The following QTMAN variants were observed in gnomAD, a reference collection of about 807,000 sequenced individuals.
QTMAN encodes queuosine-tRNA mannosyltransferase, also known as tRNA-queuosine alpha-mannosyltransferase.
At chr2:143,946,092 C>T in the QTMAN span, 1 of 152,280 alleles carries the variant, frequency 6.6e-6, no homozygotes, top group South Asian at 2.1e-4. Context: ...TCAACAAACA[C>T]AGCAGTTTGA....
chr2:144,012,178 G>A, the QTMAN span, among the ~76,000 whole-genome samples: 4 of 151,974 alleles, frequency 2.6e-5, no homozygotes, highest in South Asian at 4.2e-4. Context: ...ACCTCTGTCC[G>A]CCAGTATGGT....
the QTMAN span, among the ~76,000 whole-genome samples, chr2:143,992,334 C>T: frequency 1.4e-5 from 2 of 147,760 alleles, no homozygotes. Context: ...TGCTTGAAGG[C>T]AGCATGCTCG....
the QTMAN span, among the ~76,000 whole-genome samples, chr2:144,095,975 A>G: frequency 6.6e-6 from 1 of 152,182 alleles, no homozygotes; most frequent in East Asian, 1.9e-4. Context: ...AGTCTGAAAT[A>G]CATAAAAATC....
At chr2:144,052,661 A>G in the QTMAN span, among the ~76,000 whole-genome samples, 1 of 151,700 alleles carries the variant, frequency 6.6e-6, no homozygotes, top group Non-Finnish European at 1.5e-5. Context: ...TTTATTTTTT[A>G]TTTTTTTGAG....
chr2:144,009,643 G>A, the QTMAN span, among the ~76,000 whole-genome samples: 1 of 152,022 alleles, frequency 6.6e-6, no homozygotes, highest in East Asian at 1.9e-4. Flanking sequence ...ACAAAGAATG[G>A]TACTAACCCC....
the QTMAN span, among the ~76,000 whole-genome samples, chr2:144,023,852 T>A: frequency 5.3e-5 from 8 of 152,244 alleles, no homozygotes; most frequent in East Asian, 1.9e-4. Context: ...TAAAAAAAAA[T>A]TTCTTGTAAC....
the QTMAN span, among the ~76,000 whole-genome samples, chr2:144,215,249 T>TAAA: frequency 7.2e-6 from 1 of 139,688 alleles, no homozygotes; most frequent in African/African-American, 2.8e-5. Flanking sequence ...CTTTATTTTT[T>TAAA]AAAAAAAAAA....
chr2:143,957,311 C>G, the QTMAN span: 1 of 1,599,114 alleles, frequency 6.3e-7, no homozygotes, highest in Non-Finnish European at 8.5e-7. Flanking sequence ...CAGAAGATCC[C>G]AATGCCTTTT....
the QTMAN span, among the ~76,000 whole-genome samples, chr2:144,206,912 C>T: frequency 6.6e-6 from 1 of 152,120 alleles, no homozygotes; most frequent in South Asian, 2.1e-4. Flanking sequence ...ATTTATTATA[C>T]TGAATGGCAC....
the QTMAN span, among the ~76,000 whole-genome samples, chr2:144,142,592 C>T: frequency 6.6e-6 from 1 of 151,948 alleles, no homozygotes; most frequent in Non-Finnish European, 1.5e-5. Flanking sequence ...GTAGCTTTTA[C>T]TTCAAGAAAC....
the QTMAN span, among the ~76,000 whole-genome samples, chr2:143,988,187 C>T: frequency 8.5e-5 from 13 of 152,184 alleles, no homozygotes; most frequent in African/African-American, 3.1e-4. Flanking sequence ...AGAGGAACCA[C>T]ATTTTCCAAG....
the QTMAN span, among the ~76,000 whole-genome samples, chr2:144,133,124 T>TAA: frequency 2.4e-5 from 1 of 41,164 alleles, no homozygotes; most frequent in African/African-American, 1.2e-4. Context: ...GTAATATATA[T>TAA]ATATATATAT....
the QTMAN span, among the ~76,000 whole-genome samples, chr2:144,301,356 G>C: frequency 6.6e-6 from 1 of 152,134 alleles, no homozygotes; most frequent in Non-Finnish European, 1.5e-5. Flanking sequence ...TTGAGTAGCT[G>C]GGACTACAGA....
At chr2:144,081,469 T>A in the QTMAN span, among the ~76,000 whole-genome samples, 1 of 152,142 alleles carries the variant, frequency 6.6e-6, no homozygotes, top group Non-Finnish European at 1.5e-5. Context: ...CTGCATTTTG[T>A]TGGGTTAGGT....
chr2:144,066,077 C>T, the QTMAN span, among the ~76,000 whole-genome samples: 2 of 152,184 alleles, frequency 1.3e-5, no homozygotes, highest in Non-Finnish European at 2.9e-5. Context: ...AAAATATCTT[C>T]TGCATGCTGT....
chr2:144,148,059 T>A, the QTMAN span, among the ~76,000 whole-genome samples: 1 of 151,824 alleles, frequency 6.6e-6, no homozygotes, highest in Non-Finnish European at 1.5e-5. Flanking sequence ...AAAGAACACC[T>A]ATTAAGGACA....
At chr2:144,213,387 T>C in the QTMAN span, among the ~76,000 whole-genome samples, 1 of 152,210 alleles carries the variant, frequency 6.6e-6, no homozygotes, top group African/African-American at 2.4e-5. Context: ...TACTGAAAAG[T>C]ATATGCTAAA....
chr2:144,055,516 C>G, the QTMAN span, among the ~76,000 whole-genome samples: 1 of 152,020 alleles, frequency 6.6e-6, no homozygotes, highest in South Asian at 2.1e-4. Context: ...TTTTTTGAGG[C>G]TTTTTGTTCT....
the QTMAN span, among the ~76,000 whole-genome samples, chr2:144,112,112 T>C: frequency 6.6e-6 from 1 of 152,208 alleles, no homozygotes; most frequent in African/African-American, 2.4e-5. Flanking sequence ...AAAAGAATAA[T>C]CCCTAGGATT....
Sources: gnomAD v4.1 joint callset for allele counts (sites outside exome capture counted in the v4.1 genomes callset) on GRCh38, gnomAD v4.1.1 for gene constraint, MANE v1.5 for transcripts, NCBI Gene and HGNC (gene_info 2026-07-23, HGNC 2026-07-21) for gene names.